The following TTPAL variants were observed in gnomAD, a reference collection of about 807,000 sequenced individuals.
TTPAL encodes the protein alpha-tocopherol transfer protein-like.
In TTPAL, 21 loss-of-function variants were observed where a neutral mutation model predicts 28.7. The observed-to-expected ratio is 0.73, with a 90% confidence interval of 0.52 to 1.06. The LOEUF (loss-of-function observed/expected upper bound fraction) is 1.06. Among genes scored for constraint, TTPAL ranks in the 50% least tolerant of loss-of-function variants. The probability of loss-of-function intolerance (pLI) is 0.00; values close to 1 mark genes in which losing one functional copy is unlikely to be tolerated. For missense variants in TTPAL, 345 were observed against 425.5 expected (o/e 0.81, Z 1.67); for synonymous variants, 169 against 171.9 (o/e 0.98, Z 0.13).
At chr20:44,487,403 T>A (rs2064162216) in intron 4 of TTPAL, among the ~76,000 whole-genome samples, 2 of 152,182 alleles carry the variant, frequency 1.3e-5, no homozygotes, top group South Asian at 4.1e-4. Context: ...AACAATGGGC[T>A]ATGGTCTTGC....
chr20:44,489,676 T>G lies in TTPAL; in HGVS notation c.*135T>G. The G allele has an allele frequency of 1.0e-6, 1 of 975,704 alleles. No individual in the cohort carries two copies. The highest frequency in any genetic ancestry group is 1.5e-6 in the Non-Finnish European group (1 of 679,580). 60.4% of individuals were successfully genotyped at this position (975,704 alleles called of 1,614,324 possible). ...CAGGATGGAGGAACAGCCTGAGATA[T>G]GAGCATGAGCCCATTTTGGGGTAAG... is the stretch of plus-strand genomic sequence containing the variant. On this transcript the variant is annotated 3_prime_UTR_variant, in exon 5 of 5. Coordinates refer to ENST00000262605, the MANE Select transcript of TTPAL (RefSeq NM_001039199.3).
chr20:44,476,426 T>C (rs1329332841), intron 1 of TTPAL, among the ~76,000 whole-genome samples: 1 of 152,112 alleles, frequency 6.6e-6, no homozygotes, highest in East Asian at 1.9e-4. Context: ...GGGTACAGAT[T>C]AGAAGCCCAG....
At chr20:44,477,289 CTT>C (rs1460238532) in intron 1 of TTPAL, among the ~76,000 whole-genome samples, 1 of 152,216 alleles carries the variant, frequency 6.6e-6, no homozygotes, top group Non-Finnish European at 1.5e-5. Flanking sequence ...CCATTCCTCA[CTT>C]AGCATACCTG....
intron 1 of TTPAL, among the ~76,000 whole-genome samples, chr20:44,477,457 C>T (rs182226177): frequency 7.9e-5 from 12 of 152,104 alleles, no homozygotes; most frequent in African/African-American, 2.7e-4. Flanking sequence ...GGGAGAAGTG[C>T]GGGGGAGGCA....
At position 44,494,424 on chromosome 20, in the gene TTPAL, C is replaced by A. The variant is rs1423997268; in HGVS notation, c.*4883C>A. The A allele has an allele frequency of 6.5e-6, 1 of 152,730 alleles. No homozygotes were observed. Among genetic ancestry groups the A allele is most frequent in the Admixed American group, 6.5e-5 (1 of 15,280 alleles). The allele number at this position is 152,730 out of a possible 1,614,324, so 9.5% of individuals were successfully genotyped here. On this transcript the variant is annotated 3_prime_UTR_variant, in exon 5 of 5. Coordinates refer to ENST00000262605, the MANE Select transcript of TTPAL (RefSeq NM_001039199.3). ...CAGCCACTGGTCACATTCCTTGCTT[C>A]AAACTGAAATTCAGTTTGGCTTTGA... is the stretch of plus-strand genomic sequence containing the variant.
rs945485627 is a variant in TTPAL, at chr20:44,494,348, C to T, written c.*4807C>T. The T allele has an allele frequency of 6.5e-6, 1 of 152,714 alleles. No individual in the cohort carries two copies. The highest frequency in any genetic ancestry group is 6.5e-5 in the Admixed American group (1 of 15,270). 9.5% of individuals were successfully genotyped at this position (152,714 alleles called of 1,614,324 possible). ...TTGAAACCTCTCTGACCAAGAGCCT[C>T]TGATGGAGTGGGAGGTGAGCTAATT... On this transcript the variant is annotated 3_prime_UTR_variant, in exon 5 of 5. Coordinates refer to ENST00000262605, the MANE Select transcript of TTPAL (RefSeq NM_001039199.3).
At position 44,489,266 on chromosome 20, in the gene TTPAL, TTCC is replaced by T. The variant is rs1032731818; in HGVS notation, c.758_760del (p.Leu253del). ...TTTTCATTTCATTCCCTTTTAGTTC[TTCC>T]TCCATGGGTCTGACTTGAACTCTCT... On this transcript the variant is annotated inframe_deletion, in exon 5 of 5. Transcript: ENST00000262605. 5.0e-6 allele frequency: 8 copies of T among 1,611,254 alleles called. No homozygotes were observed. The Admixed American group carries it at 1.0e-4, about 20-fold the overall frequency.
chr20:44,478,465 G>C (rs1350724723), intron 1 of TTPAL, among the ~76,000 whole-genome samples: 1 of 152,210 alleles, frequency 6.6e-6, no homozygotes, highest in Non-Finnish European at 1.5e-5. Context: ...AGTGGATCTA[G>C]AGGGACAGCC....
In TTPAL at chr20:44,491,166, C is replaced by G. The variant is rs1224931980; in HGVS notation, c.*1625C>G. 6.6e-6 allele frequency: 1 copy of G among 151,856 alleles called. No homozygotes were observed. Among genetic ancestry groups the G allele is most frequent in the Non-Finnish European group, 1.5e-5 (1 of 67,972 alleles). 9.4% of individuals were successfully genotyped at this position (151,856 alleles called of 1,614,324 possible). A position where few individuals can be genotyped will look rare whatever the true frequency, so the allele number is the denominator to read the frequency against. On this transcript the variant is annotated 3_prime_UTR_variant, in exon 5 of 5. Coordinates refer to ENST00000262605, the MANE Select transcript of TTPAL (RefSeq NM_001039199.3). ...TTATTCCTGGGTCACTTCTGGGCCC[C>G]CCTGCCCTCCCAGCCCCACTTGAGT...
In TTPAL at chr20:44,475,945, G is replaced by T. The variant is rs1369060824; in HGVS notation, c.-62G>T. 6.6e-6 allele frequency: 1 copy of T among 152,294 alleles called. No individual in the cohort carries two copies. The highest frequency in any genetic ancestry group is 1.5e-5 in the Non-Finnish European group (1 of 68,068). The allele number at this position is 152,294 out of a possible 1,614,324, so 9.4% of individuals were successfully genotyped here. ...GTCGGTTCTGCGTGCGCTGCCGGAC[G>T]AGGCTCCCGCCGCCGATTGACCCGC... On this transcript the variant is annotated 5_prime_UTR_variant, in exon 1 of 5. Coordinates refer to ENST00000262605, the MANE Select transcript of TTPAL (RefSeq NM_001039199.3).
rs763521094 is a variant in TTPAL at position 44,480,212 on chromosome 20, C to G, written c.213C>G (p.Asn71Lys). 6 of 1,614,186 alleles carry G rather than the reference C, an allele frequency of 3.7e-6. No homozygotes were observed. The highest frequency in any genetic ancestry group is 1.3e-5 in the African/African-American group (1 of 75,058). Residue 71 changes from asparagine to lysine, a missense_variant, in exon 2 of 5, where the codon AAC becomes AAG. Physicochemically the swap from Asn to Lys is moderately conservative, Grantham distance 94. Transcript: ENST00000262605. This position sits in a 1 kb window ranked among gnomAD's most constrained non-coding sequence, Gnocchi z 4.1. ...LRDMVRKEYPNLSTSLDDAFL... is the reference protein window; with the variant it reads ...LRDMVRKEYPKLSTSLDDAFL... ...ACATGGTGCGGAAGGAGTACCCCAA[C>G]CTGAGCACATCCCTCGACGATGCCT...
At chr20:44,488,989 G>A (rs1334037322) in intron 4 of TTPAL, among the ~76,000 whole-genome samples, 1 of 152,214 alleles carries the variant, frequency 6.6e-6, no homozygotes. Context: ...CCAGGGAGAA[G>A]CGATGTGGCT....
At chr20:44,484,647 A>G (rs2064136194) in intron 3 of TTPAL, 117 bp downstream of exon 3, 2 of 702,370 alleles carry the variant, frequency 2.8e-6, no homozygotes, top group Admixed American at 5.3e-5. Context: ...CTGCAATCTG[A>G]AAAACACAAA....
chr20:44,479,032 G>A (rs553236238), intron 1 of TTPAL, among the ~76,000 whole-genome samples: 263 of 152,130 alleles, frequency 1.7e-3, no homozygotes, highest in African/African-American at 6.0e-3. Flanking sequence ...CTCATGAGTC[G>A]CCTGCCTCGG....
At chr20:44,488,016 G>A (rs59906045) in intron 4 of TTPAL, among the ~76,000 whole-genome samples, 33 of 152,298 alleles carry the variant, frequency 2.2e-4, no homozygotes, top group African/African-American at 7.0e-4. Flanking sequence ...TGATCCACCC[G>A]CCTTGGCCTC....
intron 2 of TTPAL, among the ~76,000 whole-genome samples, chr20:44,482,927 G>A (rs1054472790): frequency 1.3e-5 from 2 of 151,838 alleles, no homozygotes; most frequent in African/African-American, 2.4e-5. Flanking sequence ...GCGCGATCTC[G>A]GCTCACTGTA....
intron 2 of TTPAL, among the ~76,000 whole-genome samples, chr20:44,483,318 G>A (rs2064123532): frequency 6.6e-6 from 1 of 152,160 alleles, no homozygotes; most frequent in East Asian, 1.9e-4. Flanking sequence ...CTCAACAGGG[G>A]CTTCACTCCC....
rs190524136 is a variant in TTPAL at position 44,490,637 on chromosome 20, T to C, written c.*1096T>C. 32 of 152,446 alleles carry C rather than the reference T, an allele frequency of 2.1e-4. No individual in the cohort carries two copies. The East Asian group carries it at 5.6e-3, about 27-fold the overall frequency. The allele number at this position is 152,446 out of a possible 1,614,324, so 9.4% of individuals were successfully genotyped here. A position where few individuals can be genotyped will look rare whatever the true frequency, so the allele number is the denominator to read the frequency against. On this transcript the variant is annotated 3_prime_UTR_variant, in exon 5 of 5. Coordinates refer to ENST00000262605, the MANE Select transcript of TTPAL (RefSeq NM_001039199.3). ...CTCACTGACACCAATTTTCTTTTTA[T>C]AGTGATGGTTCAATTTTGAAAAGAT... is the stretch of plus-strand genomic sequence containing the variant.
chr20:44,478,253 G>A (rs2064064352), intron 1 of TTPAL, among the ~76,000 whole-genome samples: 1 of 152,276 alleles, frequency 6.6e-6, no homozygotes, highest in Non-Finnish European at 1.5e-5. Context: ...AAGTCAGGAA[G>A]AGCCACTGGC....
Sources: gnomAD v4.1 joint callset for allele counts (sites outside exome capture counted in the v4.1 genomes callset) on GRCh38, gnomAD v4.1.1 for gene constraint, Gnocchi (gnomAD v3.1) non-coding constraint, MANE v1.5 for transcripts, NCBI Gene and HGNC (gene_info 2026-07-23, HGNC 2026-07-21) for gene names.